CPNE4: variants seen among roughly 807,000 people sequenced by gnomAD.
The protein encoded by CPNE4 is copine-4.
A neutral mutation model predicts 67.9 loss-of-function variants in CPNE4; 25 were observed. The observed-to-expected ratio is 0.37, with a 90% CI of 0.27 to 0.51. The LOEUF (loss-of-function observed/expected upper bound fraction) is 0.51, where lower values mean the gene tolerates loss of function less well. CPNE4 is among the 20% of genes least tolerant of loss of function. CPNE4 has a pLI of 0.93. For missense variants in CPNE4, 464 were observed against 690.8 expected, an observed-to-expected ratio of 0.67 and a Z score of 3.68; for synonymous variants, 242 against 244.9, an observed-to-expected ratio of 0.99 and a Z score of 0.11.
At chr3:131,899,571 C>T (rs2088472331) in intron 2 of CPNE4, among the ~76,000 whole-genome samples, 2 of 152,066 alleles carry the variant, frequency 1.3e-5, no homozygotes, top group African/African-American at 2.4e-5. Context: ...TTACTGTTTA[C>T]TAATTGTATG....
chr3:131,567,877 G>A (rs1385440899), intron 10 of CPNE4, among the ~76,000 whole-genome samples: 1 of 151,950 alleles, frequency 6.6e-6, no homozygotes, highest in African/African-American at 2.4e-5. Flanking sequence ...CCTGTTCTTG[G>A]TGCTACTATT....
chr3:132,008,899 C>T (rs1311939219), intron 1 of CPNE4, among the ~76,000 whole-genome samples: 2 of 152,180 alleles, frequency 1.3e-5, no homozygotes, highest in African/African-American at 2.4e-5. Context: ...TGCCAGTGAT[C>T]CTTCTAGCCT....
chr3:131,810,100 C>T (rs2084465512), intron 2 of CPNE4, among the ~76,000 whole-genome samples: 1 of 151,992 alleles, frequency 6.6e-6, no homozygotes, highest in Non-Finnish European at 1.5e-5. Context: ...AACCATAAAG[C>T]TTCCAAAAGA....
At chr3:131,779,882 T>C (rs754837669) in intron 2 of CPNE4, among the ~76,000 whole-genome samples, 2 of 152,062 alleles carry the variant, frequency 1.3e-5, no homozygotes, top group Non-Finnish European at 2.9e-5. Context: ...AAAGAAACTA[T>C]GGATAGCATA....
intron 7 of CPNE4, among the ~76,000 whole-genome samples, chr3:131,615,479 G>A (rs1036333828): frequency 3.3e-4 from 50 of 152,256 alleles, no homozygotes; most frequent in Admixed American, 2.0e-3. Context: ...CTTTGATAAA[G>A]TAAATTGTAT....
At chr3:131,955,774 TGTA>T (rs2071947423) in intron 1 of CPNE4, among the ~76,000 whole-genome samples, 1 of 152,162 alleles carries the variant, frequency 6.6e-6, no homozygotes, top group Admixed American at 6.5e-5. Context: ...TCTCTGAACT[TGTA>T]CGGAAGTGGT....
intron 1 of CPNE4, among the ~76,000 whole-genome samples, chr3:131,923,771 G>T (rs1030359107): frequency 6.7e-6 from 1 of 150,306 alleles, no homozygotes; most frequent in Non-Finnish European, 1.5e-5. Context: ...AACCAAAGAG[G>T]GGTCTGGGGT....
chr3:131,600,404 A>T (rs1339014682), intron 7 of CPNE4, among the ~76,000 whole-genome samples: 1 of 152,136 alleles, frequency 6.6e-6, no homozygotes, highest in African/African-American at 2.4e-5. Context: ...CCTGTTTGAA[A>T]CTTGCAAGGA....
chr3:131,680,542 G>A (rs1410450662), intron 6 of CPNE4, among the ~76,000 whole-genome samples: 1 of 151,820 alleles, frequency 6.6e-6, no homozygotes, highest in Non-Finnish European at 1.5e-5. Flanking sequence ...TTGAAAAGTT[G>A]TTGTAGTTAA....
At chr3:131,811,542 T>C (rs113347291) in intron 2 of CPNE4, among the ~76,000 whole-genome samples, 3 of 152,112 alleles carry the variant, frequency 2.0e-5, no homozygotes, top group African/African-American at 7.2e-5. Flanking sequence ...CTCTACTATG[T>C]ATTCAAAGTA....
chr3:132,034,957 G>C lies in CPNE4; in HGVS notation c.-392C>G. 3 of 985,652 alleles carry C rather than the reference G, an allele frequency of 3.0e-6. No individual in the cohort carries two copies. The highest frequency in any genetic ancestry group is 3.6e-6 in the Non-Finnish European group (3 of 830,176). 61.1% of individuals were successfully genotyped at this position (985,652 alleles called of 1,614,324 possible). A position where few individuals can be genotyped will look rare whatever the true frequency, so the allele number is the denominator to read the frequency against. On this transcript the variant is annotated 5_prime_UTR_variant, in exon 1 of 16. Transcript: ENST00000429747. ...AAAGGAGGGTGGCAGAAAGAGAAGG[G>C]GACGAGCGGGTGGCGGGGAGATGGC...
chr3:131,841,818 C>T (rs2085793831), intron 2 of CPNE4, among the ~76,000 whole-genome samples: 1 of 152,198 alleles, frequency 6.6e-6, no homozygotes, highest in Admixed American at 6.6e-5. Flanking sequence ...TGGAGATCAC[C>T]TCAGTTGCAA....
intron 7 of CPNE4, among the ~76,000 whole-genome samples, chr3:131,634,277 T>C (rs1452609006): frequency 6.6e-6 from 1 of 152,188 alleles, no homozygotes; most frequent in Non-Finnish European, 1.5e-5. Context: ...TGAGCATCCA[T>C]TCACTGACTT....
intron 1 of CPNE4, among the ~76,000 whole-genome samples, chr3:131,977,257 C>G (rs912537766): frequency 2.0e-5 from 3 of 152,136 alleles, no homozygotes; most frequent in Admixed American, 6.5e-5. Context: ...AGTGAGAGGG[C>G]TCCAAAGTTG....
chr3:131,948,413 A>G (rs1473415330), intron 1 of CPNE4, among the ~76,000 whole-genome samples: 1 of 152,196 alleles, frequency 6.6e-6, no homozygotes, highest in Non-Finnish European at 1.5e-5. Context: ...AAGTTTCCTG[A>G]GGCTTCCCCA....
At chr3:132,032,144 T>C (rs972547841) in intron 1 of CPNE4, among the ~76,000 whole-genome samples, 3 of 152,236 alleles carry the variant, frequency 2.0e-5, no homozygotes, top group African/African-American at 7.2e-5. Flanking sequence ...GGAAGTCTTT[T>C]AATTTCTTTT....
At chr3:132,019,741 CTTTTTG>C (rs1272589654) in intron 1 of CPNE4, among the ~76,000 whole-genome samples, 1 of 152,124 alleles carries the variant, frequency 6.6e-6, no homozygotes, top group South Asian at 2.1e-4. Context: ...AATCCCTCTG[CTTTTTG>C]TTTTTGAGTA....
At chr3:131,605,258 T>C (rs2107731529) in intron 7 of CPNE4, among the ~76,000 whole-genome samples, 1 of 152,216 alleles carries the variant, frequency 6.6e-6, no homozygotes, top group African/African-American at 2.4e-5. Flanking sequence ...AATGCTATTT[T>C]ATTTATTTAT....
At chr3:131,853,406 T>C (rs574426739) in intron 2 of CPNE4, among the ~76,000 whole-genome samples, 10 of 151,854 alleles carry the variant, frequency 6.6e-5, no homozygotes, top group African/African-American at 2.2e-4. Context: ...TCTTATCCTA[T>C]AAACAAAATT....
Sources: allele counts gnomAD v4.1 joint callset (sites outside exome capture counted in the v4.1 genomes callset), GRCh38; gene constraint gnomAD v4.1.1; transcripts MANE v1.5; gene names NCBI Gene and HGNC (gene_info 2026-07-23, HGNC 2026-07-21).